TF: variants seen among roughly 807,000 people sequenced by gnomAD.
The protein encoded by TF is transferrin, also known as serotransferrin.
In TF, 55 loss-of-function variants were observed where a neutral mutation model predicts 82.4. The observed-to-expected ratio is 0.67, with a 90% confidence interval of 0.54 to 0.84. The LOEUF is 0.84. Among genes scored for constraint, TF ranks in the 40% least tolerant of loss-of-function variants. The pLI is 0.00. For missense variants in TF, 737 were observed against 868.4 expected, an observed-to-expected ratio of 0.85 and a Z score of 1.90; for synonymous variants, 332 against 332.6, an observed-to-expected ratio of 1.00 and a Z score of 0.02.
At chr3:133,748,091 C>T in intron 1 of TF, 1 of 403,760 alleles carries the variant, frequency 2.5e-6, no homozygotes, top group South Asian at 2.6e-5. Context: ...CCATGGGGGG[C>T]CAGGGGCCAG....
the TF span, among the ~76,000 whole-genome samples, chr3:133,713,905 C>T: frequency 6.6e-6 from 1 of 152,150 alleles, no homozygotes; most frequent in Admixed American, 6.5e-5. Flanking sequence ...CTGTCCCTCC[C>T]CTGCTCCCAG....
At chr3:133,699,168 C>T in the TF span, among the ~76,000 whole-genome samples, 32 of 152,264 alleles carry the variant, frequency 2.1e-4, no homozygotes, top group Non-Finnish European at 3.2e-4. Flanking sequence ...GCACATTACA[C>T]ATTTGCTGTC....
chr3:133,736,631 C>CAAAAAAGAAAAAAAAAAAAAA, the TF span, among the ~76,000 whole-genome samples: 36 of 32,566 alleles, frequency 1.1e-3, 8 homozygotes, highest in East Asian at 2.5e-3. Context: ...AATGGAAAGC[C>CAAAAAAGAAAAAAAAAAAAAA]AAAAAAAAAA....
At chr3:133,699,770 T>C in the TF span, 1 of 369,022 alleles carries the variant, frequency 2.7e-6, no homozygotes, top group Non-Finnish European at 5.2e-6. Flanking sequence ...TCCTCTTCAC[T>C]GACAAGCCGC....
the TF span, among the ~76,000 whole-genome samples, chr3:133,728,537 T>C: frequency 6.6e-6 from 1 of 152,226 alleles, no homozygotes; most frequent in Non-Finnish European, 1.5e-5. Context: ...GTATTGGTTA[T>C]TCTAGTTATA....
At chr3:133,734,461 T>A in the TF span, among the ~76,000 whole-genome samples, 1 of 152,184 alleles carries the variant, frequency 6.6e-6, no homozygotes, top group Non-Finnish European at 1.5e-5. Flanking sequence ...ATGCCTCCAA[T>A]TGGCCACATG....
intron 16 of TF, chr3:133,777,969 G>C (rs1482242532): frequency 1.9e-5 from 3 of 159,714 alleles, no homozygotes; most frequent in Non-Finnish European, 4.2e-5. Flanking sequence ...AGATAAGGGA[G>C]TCTTGATCCT....
rs1191535834 is a variant in TF at position 133,785,756 on chromosome 3, C to T, written c.*7136C>T. The T allele has an allele frequency of 3.1e-5, 2 of 64,818 alleles. No homozygotes were observed. Among genetic ancestry groups the T allele is most frequent in the Admixed American group, 1.5e-4 (1 of 6,668 alleles). The allele number at this position is 64,818 out of a possible 1,614,324, so 4.0% of individuals were successfully genotyped here. A position where few individuals can be genotyped will look rare whatever the true frequency, so the allele number is the denominator to read the frequency against. The stretch of plus-strand genomic sequence containing the variant: ...AACGGGCCAGGATGACAATGGCGGC[C>T]TTGTGGAATAGAAAGGCGGGAAAGG... On this transcript the variant is annotated 3_prime_UTR_variant, in exon 17 of 17. Coordinates refer to ENST00000402696, the MANE Select transcript of TF (RefSeq NM_001063.4).
chr3:133,778,406 A>T lies in TF; in HGVS notation c.2063-180A>T. 3 of 590,534 alleles carry T rather than the reference A, an allele frequency of 5.1e-6. No individual in the cohort carries two copies. In the South Asian group the frequency reaches 5.1e-5, roughly 10 times the overall value. 36.6% of individuals were successfully genotyped at this position (590,534 alleles called of 1,614,324 possible). On this transcript the variant is annotated intron_variant, in intron 16 of 16. Transcript: ENST00000402696. ...GCTTTGGCGTGGGGCACTCCCCAGG[A>T]TAGGCACAGGAGCTGTGCAGGCAAG... is the stretch of plus-strand genomic sequence containing the variant.
the TF span, among the ~76,000 whole-genome samples, chr3:133,716,177 A>T: frequency 6.7e-6 from 1 of 150,316 alleles, no homozygotes. Context: ...TCTGCTGCCC[A>T]TTCTCTTGGT....
chr3:133,678,846 G>T, the TF span, among the ~76,000 whole-genome samples: 1 of 143,374 alleles, frequency 7.0e-6, no homozygotes, highest in Non-Finnish European at 1.5e-5. Flanking sequence ...CTTTGGCCCA[G>T]CTATTTTTTG....
the TF span, among the ~76,000 whole-genome samples, chr3:133,737,009 A>C: frequency 6.6e-6 from 1 of 152,198 alleles, no homozygotes; most frequent in African/African-American, 2.4e-5. Flanking sequence ...AAATCAATAG[A>C]ATATACATCC....
At chr3:133,675,217 C>T in the TF span, among the ~76,000 whole-genome samples, 1 of 141,076 alleles carries the variant, frequency 7.1e-6, no homozygotes. Context: ...TGCATTCCAG[C>T]CTGGCCGACA....
At chr3:133,678,370 A>G in the TF span, among the ~76,000 whole-genome samples, 1 of 152,354 alleles carries the variant, frequency 6.6e-6, no homozygotes, top group African/African-American at 2.4e-5. Flanking sequence ...CTTTGGGTAT[A>G]TACCCAGTAA....
chr3:133,728,992 G>A, the TF span, among the ~76,000 whole-genome samples: 4 of 152,176 alleles, frequency 2.6e-5, no homozygotes, highest in Non-Finnish European at 5.9e-5. Flanking sequence ...CGCGAATGCT[G>A]CTGTCTGATC....
chr3:133,689,390 A>G, the TF span, among the ~76,000 whole-genome samples: 1 of 152,274 alleles, frequency 6.6e-6, no homozygotes, highest in Non-Finnish European at 1.5e-5. Flanking sequence ...CAAGTGAATA[A>G]TATTTATTAA....
chr3:133,755,330 A>G (rs780208464), intron 4 of TF, 33 bp from the exon 5 acceptor site: 3 of 1,613,970 alleles, frequency 1.9e-6, no homozygotes, highest in African/African-American at 2.7e-5. Context: ...AGCCTCACTC[A>G]TGCTCTGTTG....
At chr3:133,713,063 C>T in the TF span, among the ~76,000 whole-genome samples, 1 of 152,218 alleles carries the variant, frequency 6.6e-6, no homozygotes, top group African/African-American at 2.4e-5. Context: ...AGAGTCACAA[C>T]TCTAGTTCTA....
intron 11 of TF, 138 bp downstream of exon 11, chr3:133,765,045 G>A: frequency 2.4e-6 from 2 of 849,398 alleles, no homozygotes; most frequent in Non-Finnish European, 3.9e-6. Context: ...TGGAAGGATA[G>A]TAATGGATAA....
Sources: allele counts gnomAD v4.1 joint callset (sites outside exome capture counted in the v4.1 genomes callset), GRCh38; gene constraint gnomAD v4.1.1; transcripts MANE v1.5; gene names NCBI Gene and HGNC (gene_info 2026-07-23, HGNC 2026-07-21).